Variants in GMDS observed in about 807,000 individuals in gnomAD.
GMDS encodes the protein GDP-mannose 4,6-dehydratase, also known as GDP-mannose 4,6 dehydratase.
A neutral mutation model predicts 49.9 loss-of-function variants in GMDS; 20 were observed. The ratio of observed to expected loss-of-function variants is 0.40; its 90% confidence interval spans 0.28 to 0.58. GMDS has a LOEUF of 0.58. Ranked by LOEUF, GMDS falls within the 20% of genes least tolerant of loss-of-function variation. GMDS has a pLI of 0.42. For synonymous variants in GMDS, 177 were observed against 178.6 expected (o/e 0.99, Z 0.07); for missense variants, 362 against 481.4 (o/e 0.75, Z 2.32).
intron 6 of GMDS, among the ~76,000 whole-genome samples, chr6:1,955,767 C>CAA (rs60939377): frequency 1.9e-5 from 2 of 107,946 alleles, no homozygotes; most frequent in African/African-American, 6.8e-5. Context: ...ATGAAGTCTT[C>CAA]AAAAAAAAAA....
At chr6:1,794,447 A>G (rs966225945) in intron 7 of GMDS, among the ~76,000 whole-genome samples, 7 of 152,212 alleles carry the variant, frequency 4.6e-5, no homozygotes, top group Non-Finnish European at 7.3e-5. Flanking sequence ...CATTATATAG[A>G]AAGCTGGGTG....
intron 6 of GMDS, among the ~76,000 whole-genome samples, chr6:1,942,074 C>T (rs1234925579): frequency 1.3e-5 from 2 of 152,178 alleles, no homozygotes; most frequent in African/African-American, 4.8e-5. Flanking sequence ...TGACCTGCAA[C>T]TTCCTGGTCG....
intron 4 of GMDS, among the ~76,000 whole-genome samples, chr6:2,028,438 C>T (rs1768739722): frequency 6.6e-6 from 1 of 152,192 alleles, no homozygotes; most frequent in Non-Finnish European, 1.5e-5. Flanking sequence ...AAAAATGACA[C>T]ATTTCCAAAT....
intron 1 of GMDS, among the ~76,000 whole-genome samples, chr6:2,129,299 A>T (rs964425603): frequency 6.6e-6 from 1 of 152,184 alleles, no homozygotes; most frequent in African/African-American, 2.4e-5. Context: ...CCTATGTACG[A>T]GGGCAAGCCA....
intron 9 of GMDS, among the ~76,000 whole-genome samples, chr6:1,693,264 T>G (rs1056425336): frequency 1.3e-5 from 2 of 152,214 alleles, no homozygotes; most frequent in African/African-American, 2.4e-5. Flanking sequence ...CCTTAGGTAG[T>G]TTCCTCCTGT....
At chr6:1,695,905 TG>T (rs1056689808) in intron 9 of GMDS, among the ~76,000 whole-genome samples, 6 of 106,852 alleles carry the variant, frequency 5.6e-5, no homozygotes, top group Non-Finnish European at 7.7e-5. Flanking sequence ...TTTTCTGTCT[TG>T]GTTTTTTTTT....
chr6:1,807,584 G>C lies in GMDS; in HGVS notation c.772-64998C>G, dbSNP rs1488698462. On this transcript the variant is annotated intron_variant, in intron 7 of 10. Coordinates refer to ENST00000380815, the MANE Select transcript of GMDS (RefSeq NM_001500.4). ...AAACTCATTAGAATTCATTAGGATA[G>C]TTTTTATAAATGTATCTATTATTCT... 2.0e-5 allele frequency among the ~76,000 whole-genome samples: 3 copies of C among 152,152 alleles called. No homozygotes were observed. In the East Asian group the frequency reaches 5.8e-4, roughly 29 times the overall value.
In GMDS at chr6:1,665,224, A is replaced by G. The variant is rs562567279; in HGVS notation, c.988-40684T>C. ...TAACTCGTCATTTAACATTAGGTATATCTCCTAATGCTATCTCTCCCCCCT... is the reference window on the plus strand; with the variant it reads ...TAACTCGTCATTTAACATTAGGTATGTCTCCTAATGCTATCTCTCCCCCCT... On this transcript the variant is annotated intron_variant, in intron 9 of 10. Coordinates refer to ENST00000380815, the MANE Select transcript of GMDS (RefSeq NM_001500.4). Among the ~76,000 whole-genome samples, 381 of 152,320 alleles carry G rather than the reference A, an allele frequency of 2.5e-3. 1 individual carries two copies. The highest frequency in any genetic ancestry group is 8.8e-3 in the African/African-American group (364 of 41,554).
chr6:1,886,633 T>A (rs891667085), intron 7 of GMDS, among the ~76,000 whole-genome samples: 11 of 152,162 alleles, frequency 7.2e-5, no homozygotes, highest in Non-Finnish European at 1.5e-4. Flanking sequence ...CTGATTTTTT[T>A]AAATCAAGAA....
intron 1 of GMDS, among the ~76,000 whole-genome samples, chr6:2,240,958 C>A (rs1279531316): frequency 1.3e-5 from 2 of 152,196 alleles, no homozygotes; most frequent in African/African-American, 4.8e-5. Flanking sequence ...GTAAAGAAAG[C>A]CAATGGTGCT....
At chr6:1,872,556 GT>G (rs1758824759) in intron 7 of GMDS, among the ~76,000 whole-genome samples, 1 of 152,188 alleles carries the variant, frequency 6.6e-6, no homozygotes, top group African/African-American at 2.4e-5. Context: ...TTGTGACAAC[GT>G]CCAAAAGGGG....
chr6:2,167,041 C>T lies in GMDS; in HGVS notation c.103-42310G>A, dbSNP rs140899985. ...CAGCAAACCTATGACACCTTCAAGG[C>T]CACTGTTTCTCCCAAGCAATTTTAA... On this transcript the variant is annotated intron_variant, in intron 1 of 10. Transcript: ENST00000380815. 1.1e-3 allele frequency among the ~76,000 whole-genome samples: 163 copies of T among 152,336 alleles called. 1 individual carries two copies. Among genetic ancestry groups the T allele is most frequent in the Middle Eastern group, 3.4e-3 (1 of 294 alleles).
chr6:2,158,882 G>A lies in GMDS; in HGVS notation c.103-34151C>T, dbSNP rs1474006222. Among the ~76,000 whole-genome samples, 5 of 152,314 alleles carry A rather than the reference G, an allele frequency of 3.3e-5. No homozygotes were observed. In the South Asian group the frequency reaches 8.3e-4, roughly 25 times the overall value. On this transcript the variant is annotated intron_variant, in intron 1 of 10. Coordinates refer to ENST00000380815, the MANE Select transcript of GMDS (RefSeq NM_001500.4). ...CTTACGCTGCCAGAGGCGGTGAGGT[G>A]AGCCAAGTTCTTAGCTGTTTTTGAC...
chr6:2,132,253 G>A (rs1775778181), intron 1 of GMDS, among the ~76,000 whole-genome samples: 2 of 152,092 alleles, frequency 1.3e-5, no homozygotes, highest in African/African-American at 4.8e-5. Context: ...TATTAGAATG[G>A]AAAATGATGG....
intron 3 of GMDS, among the ~76,000 whole-genome samples, chr6:2,116,774 A>C (rs1344155171): frequency 1.3e-5 from 2 of 152,168 alleles, no homozygotes; most frequent in Admixed American, 6.5e-5. Context: ...CTGAACTTGG[A>C]GTTAAAATCC....
chr6:2,147,547 A>G (rs1224377320), intron 1 of GMDS, among the ~76,000 whole-genome samples: 1 of 152,034 alleles, frequency 6.6e-6, no homozygotes, highest in Non-Finnish European at 1.5e-5. Flanking sequence ...CCTTAGCATT[A>G]ATTATCTCCA....
intron 4 of GMDS, among the ~76,000 whole-genome samples, chr6:1,999,959 T>TTATATATATATTATATATATATTTTA (rs1339649261): frequency 8.0e-5 from 1 of 12,522 alleles, no homozygotes; most frequent in Non-Finnish European, 1.7e-4. Flanking sequence ...AATATGTATA[T>TTATATATATATTATATATATATTTTA]TATATATATA....
At chr6:2,208,369 A>G (rs933329962) in intron 1 of GMDS, among the ~76,000 whole-genome samples, 4 of 152,278 alleles carry the variant, frequency 2.6e-5, no homozygotes, top group African/African-American at 7.2e-5. Context: ...ATTCCGTTTT[A>G]CAGATGACAC....
chr6:1,680,855 T>C (rs984062770), intron 9 of GMDS, among the ~76,000 whole-genome samples: 1 of 152,182 alleles, frequency 6.6e-6, no homozygotes, highest in African/African-American at 2.4e-5. Context: ...GAAATGGACA[T>C]AAGTGACCTA....
Sources: allele counts gnomAD v4.1 joint callset (sites outside exome capture counted in the v4.1 genomes callset), GRCh38; gene constraint gnomAD v4.1.1; transcripts MANE v1.5; gene names NCBI Gene and HGNC (gene_info 2026-07-23, HGNC 2026-07-21).